The following ARHGAP15 variants were observed in gnomAD, a reference collection of about 807,000 sequenced individuals.
ARHGAP15 encodes the protein Rho GTPase activating protein 15.
In ARHGAP15, 51 loss-of-function variants were observed where a neutral mutation model predicts 63.7. The ratio of observed to expected loss-of-function variants is 0.80; its 90% CI spans 0.64 to 1.01. The LOEUF (loss-of-function observed/expected upper bound fraction) is 1.01. ARHGAP15 is among the 50% of genes least tolerant of loss of function. The probability of loss-of-function intolerance (pLI) is 0.00; values close to 1 mark genes in which losing one functional copy is unlikely to be tolerated. For synonymous variants in ARHGAP15, 191 were observed against 193.8 expected, an observed-to-expected ratio of 0.99 and a Z score of 0.12; for missense variants, 560 against 564.6, an observed-to-expected ratio of 0.99 and a Z score of 0.08.
chr2:143,665,455 A>G (rs1682110943), intron 12 of ARHGAP15, among the ~76,000 whole-genome samples: 1 of 66,558 alleles, frequency 1.5e-5, no homozygotes, highest in Admixed American at 1.8e-4. Context: ...ACCCACAGCC[A>G]ATATCATACT....
intron 6 of ARHGAP15, among the ~76,000 whole-genome samples, chr2:143,253,530 T>C (rs1029709871): frequency 6.6e-6 from 1 of 152,100 alleles, no homozygotes; most frequent in Non-Finnish European, 1.5e-5. Context: ...ATGACAACAT[T>C]AATTATTAAG....
At chr2:143,140,084 T>C (rs1689300964) in intron 1 of ARHGAP15, among the ~76,000 whole-genome samples, 1 of 151,982 alleles carries the variant, frequency 6.6e-6, no homozygotes, top group South Asian at 2.1e-4. Context: ...AATCAAAGAG[T>C]GACTTTTTTT....
chr2:143,632,692 C>A (rs1026283831), intron 12 of ARHGAP15, among the ~76,000 whole-genome samples: 6 of 152,118 alleles, frequency 3.9e-5, no homozygotes, highest in Non-Finnish European at 8.8e-5. Flanking sequence ...TGCCCTATGG[C>A]AAAAAGTACC....
At chr2:143,613,134 AG>A (rs1267819046) in intron 11 of ARHGAP15, among the ~76,000 whole-genome samples, 4 of 150,116 alleles carry the variant, frequency 2.7e-5, no homozygotes. Flanking sequence ...TGGAGATCAA[AG>A]AAAGATTGCA....
At chr2:143,664,668 T>A (rs550949406) in intron 12 of ARHGAP15, among the ~76,000 whole-genome samples, 1 of 151,752 alleles carries the variant, frequency 6.6e-6, no homozygotes, top group Admixed American at 6.6e-5. Flanking sequence ...GATAGACCAC[T>A]AGCAAGACTA....
chr2:143,537,694 T>C (rs933554131), intron 10 of ARHGAP15, among the ~76,000 whole-genome samples: 3 of 152,154 alleles, frequency 2.0e-5, no homozygotes, highest in Admixed American at 6.5e-5. Flanking sequence ...GCTGTAGATA[T>C]GCAGCATTAT....
intron 2 of ARHGAP15, among the ~76,000 whole-genome samples, chr2:143,159,772 T>C (rs1011466280): frequency 6.6e-6 from 1 of 151,962 alleles, no homozygotes; most frequent in Non-Finnish European, 1.5e-5. Flanking sequence ...CTCATAAATA[T>C]ATGATCTGTT....
At chr2:143,482,393 C>A (rs1047730431) in intron 8 of ARHGAP15, among the ~76,000 whole-genome samples, 4 of 152,106 alleles carry the variant, frequency 2.6e-5, no homozygotes, top group Non-Finnish European at 5.9e-5. Flanking sequence ...GATTATTGTA[C>A]CACACTGTGT....
intron 8 of ARHGAP15, among the ~76,000 whole-genome samples, chr2:143,471,554 T>G (rs537542446): frequency 1.3e-5 from 2 of 152,066 alleles, no homozygotes; most frequent in South Asian, 4.2e-4. Context: ...GATAGAGGGC[T>G]CCTAAGTGGG....
chr2:143,164,331 A>G (rs1212592118), intron 2 of ARHGAP15, among the ~76,000 whole-genome samples: 1 of 151,990 alleles, frequency 6.6e-6, no homozygotes, highest in Non-Finnish European at 1.5e-5. Flanking sequence ...TGTAAGGCAA[A>G]TACATTTTTT....
intron 6 of ARHGAP15, among the ~76,000 whole-genome samples, chr2:143,304,983 C>A (rs1245066874): frequency 1.3e-5 from 2 of 152,006 alleles, no homozygotes; most frequent in Admixed American, 6.6e-5. Context: ...TAGGTATATA[C>A]CCAAAGGATT....
At chr2:143,570,233 T>C (rs901934534) in intron 11 of ARHGAP15, among the ~76,000 whole-genome samples, 4 of 152,184 alleles carry the variant, frequency 2.6e-5, no homozygotes, top group Admixed American at 1.3e-4. Context: ...AAAGGGCTTA[T>C]CTCAAGTTCT....
chr2:143,199,025 A>C (rs1009399358), intron 2 of ARHGAP15, among the ~76,000 whole-genome samples: 1 of 152,160 alleles, frequency 6.6e-6, no homozygotes, highest in African/African-American at 2.4e-5. Flanking sequence ...ATCTTAGTAT[A>C]ATGAGTAGTA....
intron 6 of ARHGAP15, among the ~76,000 whole-genome samples, chr2:143,427,999 A>G (rs1689203758): frequency 6.6e-6 from 1 of 152,120 alleles, no homozygotes; most frequent in African/African-American, 2.4e-5. Flanking sequence ...TTGTTCAGCC[A>G]TGCATGTAGA....
chr2:143,700,356 C>G (rs1317636139), intron 12 of ARHGAP15, among the ~76,000 whole-genome samples: 1 of 152,134 alleles, frequency 6.6e-6, no homozygotes, highest in Admixed American at 6.5e-5. Flanking sequence ...ATCATGTTCC[C>G]TATAAGTAAA....
chr2:143,586,677 AT>A (rs76959338), intron 11 of ARHGAP15, among the ~76,000 whole-genome samples: 42,816 of 150,260 alleles, frequency 0.28, 6,638 homozygotes, highest in African/African-American at 0.42. Context: ...ATATGTAAAT[AT>A]TTTTTTTTTA....
At chr2:143,744,655 G>A (rs150383041) in intron 13 of ARHGAP15, among the ~76,000 whole-genome samples, 23 of 152,242 alleles carry the variant, frequency 1.5e-4, no homozygotes, top group Non-Finnish European at 2.9e-4. Context: ...CAGCATCCTT[G>A]TACATCTCCC....
At chr2:143,264,987 C>G (rs1039252314) in intron 6 of ARHGAP15, among the ~76,000 whole-genome samples, 3 of 152,074 alleles carry the variant, frequency 2.0e-5, no homozygotes, top group Non-Finnish European at 2.9e-5. Flanking sequence ...AGCTGCCTAA[C>G]AAAGTTAACT....
At chr2:143,273,646 A>G (rs1681407338) in intron 6 of ARHGAP15, among the ~76,000 whole-genome samples, 1 of 152,188 alleles carries the variant, frequency 6.6e-6, no homozygotes, top group Non-Finnish European at 1.5e-5. Flanking sequence ...GACATTTTAA[A>G]AAATATTAAA....
Sources: allele counts gnomAD v4.1 joint callset (sites outside exome capture counted in the v4.1 genomes callset), GRCh38; gene constraint gnomAD v4.1.1; transcripts MANE v1.5; gene names NCBI Gene and HGNC (gene_info 2026-07-23, HGNC 2026-07-21).